CLSPN: variants seen among roughly 807,000 people sequenced by gnomAD.
The protein encoded by CLSPN is claspin.
Under a neutral mutation model 156.3 loss-of-function variants are expected in CLSPN, and 85 were observed. That is an observed-to-expected ratio of 0.54 (90% confidence interval 0.46 to 0.65). The LOEUF (loss-of-function observed/expected upper bound fraction) is 0.65. CLSPN is among the 30% of genes least tolerant of loss of function. The probability of loss-of-function intolerance (pLI) is 0.00; values close to 1 mark genes in which losing one functional copy is unlikely to be tolerated. For synonymous variants in CLSPN, 534 were observed against 542.4 expected, an observed-to-expected ratio of 0.98 and a Z score of 0.22; for missense variants, 1,407 against 1,554.9, an observed-to-expected ratio of 0.90 and a Z score of 1.60.
chr1:35,736,740 G>T, intron 24 of CLSPN, 134 bp from the exon 25 acceptor site: 1 of 1,399,780 alleles, frequency 7.1e-7, no homozygotes, highest in Non-Finnish European at 9.5e-7. Context: ...AACTTTCTCG[G>T]CAAGTTTAAA....
At chr1:35,724,621 A>G (rs539647438) in intron 24 of CLSPN, among the ~76,000 whole-genome samples, 2 of 152,354 alleles carry the variant, frequency 1.3e-5, no homozygotes, top group African/African-American at 4.8e-5. Flanking sequence ...TTGGGAACTT[A>G]GGCAAATCAA....
intron 18 of CLSPN, among the ~76,000 whole-genome samples, chr1:35,741,917 T>C (rs1159996137): frequency 7.8e-6 from 1 of 127,480 alleles, no homozygotes; most frequent in East Asian, 2.4e-4. Context: ...GAGGTTGCAG[T>C]GAGCCGAGAT....
chr1:35,763,086 C>G, intron 4 of CLSPN, 74 bp downstream of exon 4: 1 of 1,246,780 alleles, frequency 8.0e-7, no homozygotes, highest in Non-Finnish European at 1.0e-6. Flanking sequence ...AATTAAGGTT[C>G]CAACAGTAAA....
rs1416173999 is a variant in CLSPN, at chr1:35,733,074, C to G, written c.*3422G>C. The G allele has an allele frequency of 2.2e-6, 1 of 457,050 alleles. No individual in the cohort carries two copies. Among genetic ancestry groups the G allele is most frequent in the Middle Eastern group, 1.1e-3 (1 of 936 alleles). The allele number at this position is 457,050 out of a possible 1,614,324, so 28.3% of individuals were successfully genotyped here. ...CTGCCTCCCAGGTTCAAGCAATTCT[C>G]TTGTCTCAGCCTCCCAAGTAGCTGG... On this transcript the variant is annotated 3_prime_UTR_variant, in exon 25 of 25. Coordinates refer to ENST00000318121, the MANE Select transcript of CLSPN (RefSeq NM_022111.4).
intron 10 of CLSPN, 76 bp downstream of exon 10, chr1:35,751,174 A>T: frequency 1.3e-6 from 2 of 1,538,012 alleles, no homozygotes; most frequent in Non-Finnish European, 1.7e-6. Context: ...CATGCTTATT[A>T]TACTCTTTTT....
chr1:35,734,330 A>T lies in CLSPN; in HGVS notation c.*2166T>A, dbSNP rs1457250837. On this transcript the variant is annotated 3_prime_UTR_variant, in exon 25 of 25. Coordinates refer to ENST00000318121, the MANE Select transcript of CLSPN (RefSeq NM_022111.4). ...TTATACACATTTTCCCCATTATAAG[A>T]TTACAAGTATACAAACATAAGTATT... is the stretch of plus-strand genomic sequence containing the variant. 1 of 985,116 alleles carries T rather than the reference A, an allele frequency of 1.0e-6. No homozygotes were observed. Among genetic ancestry groups the T allele is most frequent in the Non-Finnish European group, 1.2e-6 (1 of 829,738 alleles). The allele number at this position is 985,116 out of a possible 1,614,324, so 61.0% of individuals were successfully genotyped here. A position where few individuals can be genotyped will look rare whatever the true frequency, so the allele number is the denominator to read the frequency against.
At position 35,745,497 on chromosome 1, in the gene CLSPN, T is replaced by C. The variant is rs773567746; in HGVS notation, c.2920A>G (p.Met974Val). 8.1e-6 allele frequency: 13 copies of C among 1,614,082 alleles called. No homozygotes were observed. The highest frequency in any genetic ancestry group is 1.1e-5 in the South Asian group (1 of 91,086). The stretch of plus-strand genomic sequence containing the variant: ...GAGCAAAGAGCAAGTGCTTCTTCCA[T>C]TGGATCACCCATGCTGCTCTCCTTC... ...QEKESSMGDP[M>V]EEALALCSGS... The change falls in exon 16 of 25, where the codon ATG becomes GTG. Residue 974 changes from methionine to valine, a missense_variant. This residue lies in a region of CLSPN where 1,096 missense variants were observed against 1,193.0 expected (regional missense o/e 0.92). Transcript: ENST00000318121.
At chr1:35,754,060 C>CA (rs759776564) in intron 8 of CLSPN, 124 bp from the exon 9 acceptor site, 19 of 756,436 alleles carry the variant, frequency 2.5e-5, no homozygotes, top group Non-Finnish European at 3.7e-5. Flanking sequence ...ACAGAGAAAC[C>CA]AAAAACCCCT....
intron 18 of CLSPN, among the ~76,000 whole-genome samples, chr1:35,740,196 T>C (rs1048424023): frequency 6.6e-6 from 1 of 152,194 alleles, no homozygotes; most frequent in Non-Finnish European, 1.5e-5. Flanking sequence ...TGGGATCTTC[T>C]TACAGCCTAA....
chr1:35,743,062 C>T lies in CLSPN; in HGVS notation c.3143+79G>A, dbSNP rs1362429747. 5 of 1,059,626 alleles carry T rather than the reference C, an allele frequency of 4.7e-6. No individual in the cohort carries two copies. In the East Asian group the frequency reaches 9.5e-5, roughly 20 times the overall value. 65.6% of individuals were successfully genotyped at this position (1,059,626 alleles called of 1,614,324 possible). A position where few individuals can be genotyped will look rare whatever the true frequency, so the allele number is the denominator to read the frequency against. Reference sequence around the variant, plus strand: ...TCAGCCTCCCAAAATGATGGGATTACAGGCGCAAGCCACCATGCCTGGCCT... The same window carrying T: ...TCAGCCTCCCAAAATGATGGGATTATAGGCGCAAGCCACCATGCCTGGCCT... On this transcript the variant is annotated intron_variant, in intron 18 of 24. Transcript: ENST00000318121.
intron 1 of CLSPN, among the ~76,000 whole-genome samples, chr1:35,765,761 CA>C (rs1308498662): frequency 1.3e-5 from 2 of 152,052 alleles, no homozygotes; most frequent in Non-Finnish European, 2.9e-5. Flanking sequence ...CTAACATCAC[CA>C]AAAGAGAAAC....
intron 16 of CLSPN, among the ~76,000 whole-genome samples, chr1:35,743,793 T>G (rs1641780602): frequency 6.6e-6 from 1 of 152,054 alleles, no homozygotes. Context: ...TCAGCTAATT[T>G]TTGTATTTTT....
chr1:35,729,110 G>A (rs540948494), downstream of CLSPN, among the ~76,000 whole-genome samples: 6 of 152,244 alleles, frequency 3.9e-5, no homozygotes, highest in South Asian at 4.1e-4. Flanking sequence ...AATTAGACAA[G>A]ACAAACAAAC....
At chr1:35,731,149 G>A (rs1240584435), downstream of CLSPN, among the ~76,000 whole-genome samples, 4 of 149,940 alleles carry the variant, frequency 2.7e-5, no homozygotes, top group Admixed American at 1.3e-4. Flanking sequence ...GCAGTGAGCC[G>A]AGATCGTACC....
intron 8 of CLSPN, among the ~76,000 whole-genome samples, chr1:35,754,889 T>C (rs1261314735): frequency 6.6e-6 from 1 of 152,132 alleles, no homozygotes; most frequent in Non-Finnish European, 1.5e-5. Context: ...AATCCAATAG[T>C]GATATAAACT....
intron 24 of CLSPN, among the ~76,000 whole-genome samples, chr1:35,722,315 CAT>C (rs750444394): frequency 2.2e-5 from 3 of 137,178 alleles, no homozygotes; most frequent in Non-Finnish European, 4.5e-5. Flanking sequence ...AGTGCAGTGG[CAT>C]AGTCTTGGCT....
chr1:35,742,521 C>G (rs746695656), intron 18 of CLSPN, among the ~76,000 whole-genome samples: 1 of 151,924 alleles, frequency 6.6e-6, no homozygotes, highest in Admixed American at 6.6e-5. Flanking sequence ...AGAACCATGC[C>G]TGGCTAATTT....
chr1:35,734,869 T>C lies in CLSPN; in HGVS notation c.*1627A>G. On this transcript the variant is annotated 3_prime_UTR_variant, in exon 25 of 25. Transcript: ENST00000318121. The stretch of plus-strand genomic sequence containing the variant: ...ACCACAGTATTCACATGGAATGTTT[T>C]TCCAAAGCAGCACTGATGCTCAGTT... 1 of 985,442 alleles carries C rather than the reference T, an allele frequency of 1.0e-6. No individual in the cohort carries two copies. The highest frequency in any genetic ancestry group is 1.2e-6 in the Non-Finnish European group (1 of 829,934). The allele number at this position is 985,442 out of a possible 1,614,324, so 61.0% of individuals were successfully genotyped here.
At chr1:35,762,578 C>A in intron 4 of CLSPN, 97 bp from the exon 5 acceptor site, 1 of 805,544 alleles carries the variant, frequency 1.2e-6, no homozygotes. Flanking sequence ...CCACATCATG[C>A]TACATTAATA....
Sources: allele counts gnomAD v4.1 joint callset (sites outside exome capture counted in the v4.1 genomes callset), GRCh38; gene constraint gnomAD v4.1.1; regional missense constraint gnomAD v4.1.1; transcripts MANE v1.5; gene names NCBI Gene and HGNC (gene_info 2026-07-23, HGNC 2026-07-21).